ASIC2: variants seen among roughly 807,000 people sequenced by gnomAD.
ASIC2 encodes the protein acid-sensing ion channel 2.
Under a neutral mutation model 57.3 loss-of-function variants are expected in ASIC2, and 25 were observed. The observed-to-expected ratio is 0.44, with a 90% CI of 0.32 to 0.61. The LOEUF is 0.61. ASIC2 is among the 20% of genes least tolerant of loss of function. The probability of loss-of-function intolerance (pLI) is 0.06; values close to 1 mark genes in which losing one functional copy is unlikely to be tolerated. For missense variants in ASIC2, 641 were observed against 738.1 expected (o/e 0.87, Z 1.52); for synonymous variants, 319 against 307.5 (o/e 1.04, Z -0.39).
chr17:34,132,760 C>T (rs1912027451), intron 1 of ASIC2, among the ~76,000 whole-genome samples: 3 of 152,324 alleles, frequency 2.0e-5, no homozygotes, highest in Admixed American at 1.3e-4. Context: ...ACTACCTTCC[C>T]TACCACTGTG....
chr17:33,802,152 G>A (rs908093898), intron 1 of ASIC2, among the ~76,000 whole-genome samples: 1 of 152,196 alleles, frequency 6.6e-6, no homozygotes, highest in Non-Finnish European at 1.5e-5. Flanking sequence ...AGGCTGCAAT[G>A]CCATATTTTT....
intron 1 of ASIC2, among the ~76,000 whole-genome samples, chr17:33,817,258 C>T (rs1316743955): frequency 6.6e-6 from 1 of 152,232 alleles, no homozygotes; most frequent in Non-Finnish European, 1.5e-5. Flanking sequence ...TGCTCTGAGA[C>T]GTGCTTTTGA....
At chr17:33,514,470 A>G (rs980281064) in intron 1 of ASIC2, among the ~76,000 whole-genome samples, 3 of 152,156 alleles carry the variant, frequency 2.0e-5, no homozygotes, top group Non-Finnish European at 4.4e-5. Flanking sequence ...AGGAATTAGG[A>G]ACAGGCCAAA....
At chr17:33,600,744 G>C (rs1905100562) in intron 1 of ASIC2, among the ~76,000 whole-genome samples, 1 of 152,038 alleles carries the variant, frequency 6.6e-6, no homozygotes, top group East Asian at 1.9e-4. Context: ...TTCTGGTGAG[G>C]GCTCATAAGA....
chr17:33,814,105 G>T (rs57499270), intron 1 of ASIC2, among the ~76,000 whole-genome samples: 5,834 of 152,034 alleles, frequency 0.038, 141 homozygotes, highest in Middle Eastern at 0.092. Flanking sequence ...ATGCCCAGGG[G>T]TAGGAGAGTA....
At chr17:33,993,872 T>C (rs958019701) in intron 1 of ASIC2, among the ~76,000 whole-genome samples, 23 of 152,174 alleles carry the variant, frequency 1.5e-4, no homozygotes, top group Non-Finnish European at 2.6e-4. Flanking sequence ...GCTTTTTCAG[T>C]TAAAAATGAA....
At chr17:33,049,056 G>A (rs2091965643) in intron 3 of ASIC2, among the ~76,000 whole-genome samples, 1 of 152,146 alleles carries the variant, frequency 6.6e-6, no homozygotes, top group African/African-American at 2.4e-5. Context: ...AGGGGCAGAT[G>A]GTGTACCATG....
At chr17:33,649,343 A>G (rs1329837362) in intron 1 of ASIC2, among the ~76,000 whole-genome samples, 22 of 152,228 alleles carry the variant, frequency 1.4e-4, no homozygotes, top group Non-Finnish European at 2.9e-5. Context: ...CTAAATATGT[A>G]CAGGACTGAC....
At chr17:33,906,718 C>G (rs1915358247) in intron 1 of ASIC2, among the ~76,000 whole-genome samples, 1 of 152,212 alleles carries the variant, frequency 6.6e-6, no homozygotes, top group East Asian at 1.9e-4. Context: ...TTATAGGACT[C>G]TCTACATTTC....
At chr17:33,808,056 A>G (rs1912318290) in intron 1 of ASIC2, among the ~76,000 whole-genome samples, 2 of 152,202 alleles carry the variant, frequency 1.3e-5, no homozygotes, top group South Asian at 4.1e-4. Context: ...TCAGTTATCA[A>G]CTTTTTCTTT....
intron 1 of ASIC2, among the ~76,000 whole-genome samples, chr17:33,530,501 G>T (rs1194955563): frequency 6.6e-6 from 1 of 152,254 alleles, no homozygotes; most frequent in Non-Finnish European, 1.5e-5. Flanking sequence ...GCTGCCCACA[G>T]ACACTGCCAG....
chr17:33,994,447 G>C (rs780086483), intron 1 of ASIC2, among the ~76,000 whole-genome samples: 12 of 152,104 alleles, frequency 7.9e-5, no homozygotes, highest in Non-Finnish European at 1.3e-4. Context: ...TGAATTTCCT[G>C]ACCACTCCTC....
intron 1 of ASIC2, among the ~76,000 whole-genome samples, chr17:33,820,349 C>A (rs1172609590): frequency 1.3e-5 from 2 of 151,954 alleles, no homozygotes. Context: ...GGCAGACTTA[C>A]TACAAAAAAA....
At chr17:33,299,409 G>A (rs779982932) in intron 1 of ASIC2, among the ~76,000 whole-genome samples, 8 of 152,126 alleles carry the variant, frequency 5.3e-5, no homozygotes, top group Non-Finnish European at 1.0e-4. Flanking sequence ...TCTCCCCTGC[G>A]GTTTTACTCA....
At chr17:33,117,824 G>A in intron 1 of ASIC2, among the ~76,000 whole-genome samples, 1 of 152,204 alleles carries the variant, frequency 6.6e-6, no homozygotes, top group Non-Finnish European at 1.5e-5. Flanking sequence ...TTCGGCAGAA[G>A]AGAGATGAGT....
At chr17:33,017,515 A>C in intron 8 of ASIC2, 90 bp downstream of exon 8, 1 of 1,088,714 alleles carries the variant, frequency 9.2e-7, no homozygotes, top group Non-Finnish European at 1.4e-6. Flanking sequence ...GGAGAGAGGC[A>C]CCGCCTTCCC....
chr17:33,272,616 T>G (rs1597660676), intron 1 of ASIC2, among the ~76,000 whole-genome samples: 1 of 152,082 alleles, frequency 6.6e-6, no homozygotes, highest in South Asian at 2.1e-4. Flanking sequence ...CATTCCTCCA[T>G]CATCGTCATC....
chr17:34,000,395 G>A (rs754500692), intron 1 of ASIC2, among the ~76,000 whole-genome samples: 13 of 151,870 alleles, frequency 8.6e-5, no homozygotes, highest in Admixed American at 1.3e-4. Flanking sequence ...GGGATTACAG[G>A]CGTGTGCCAC....
intron 1 of ASIC2, among the ~76,000 whole-genome samples, chr17:33,144,349 A>G (rs1352311398): frequency 6.6e-6 from 1 of 151,888 alleles, no homozygotes; most frequent in East Asian, 1.9e-4. Context: ...AGAAAGAGAG[A>G]GAGCGGGTGG....
Sources: gnomAD v4.1 joint callset for allele counts (sites outside exome capture counted in the v4.1 genomes callset) on GRCh38, gnomAD v4.1.1 for gene constraint, MANE v1.5 for transcripts, NCBI Gene and HGNC (gene_info 2026-07-23, HGNC 2026-07-21) for gene names.